Variants in ADAMTS9 observed in about 807,000 individuals in gnomAD.
The protein encoded by ADAMTS9 is A disintegrin and metalloproteinase with thrombospondin motifs 9.
Under a neutral mutation model 257.1 loss-of-function variants are expected in ADAMTS9, and 107 were observed. The ratio of observed to expected loss-of-function variants is 0.42; its 90% CI spans 0.36 to 0.49. The LOEUF (loss-of-function observed/expected upper bound fraction) is 0.49, where lower values mean the gene tolerates loss of function less well. Among genes scored for constraint, ADAMTS9 ranks in the 20% least tolerant of loss-of-function variants. The pLI is 0.03. For missense variants in ADAMTS9, 2,353 were observed against 2,469.1 expected (o/e 0.95, Z 1.00); for synonymous variants, 982 against 880.9 (o/e 1.11, Z -2.03).
intron 38 of ADAMTS9, among the ~76,000 whole-genome samples, chr3:64,528,160 C>T (rs906018477): frequency 3.9e-5 from 6 of 152,112 alleles, no homozygotes; most frequent in African/African-American, 1.2e-4. Flanking sequence ...GCCCCGTAAG[C>T]GCCTCTCACA....
At chr3:64,684,889 A>T (rs1701855456) in intron 2 of ADAMTS9, 2 of 152,208 alleles carry the variant, frequency 1.3e-5, no homozygotes, top group South Asian at 4.1e-4. Flanking sequence ...GTACACACGC[A>T]GTCCTATCCC....
At position 64,610,798 on chromosome 3, in the gene ADAMTS9, C is replaced by T. The variant is rs536434157; in HGVS notation, c.3354+2547G>A. Among the ~76,000 whole-genome samples the T allele has an allele frequency of 7.2e-5, 11 of 152,076 alleles. No individual in the cohort carries two copies. In the East Asian group the frequency reaches 1.9e-3, roughly 27 times the overall value. On this transcript the variant is annotated intron_variant, in intron 22 of 39. Coordinates refer to ENST00000498707, the MANE Select transcript of ADAMTS9 (RefSeq NM_182920.2). ...GTAGTTAAAAAGTTAAACCCAGAGC[C>T]GGGCACGGTGTCTTAGGCCTGTAAT... is the stretch of plus-strand genomic sequence containing the variant.
In ADAMTS9 at chr3:64,541,929, C is replaced by T. The variant is rs954854698; in HGVS notation, c.5106G>A (p.Val1702=). 6.2e-7 allele frequency: 1 copy of T among 1,614,092 alleles called. No homozygotes were observed. Among genetic ancestry groups the T allele is most frequent in the South Asian group, 1.1e-5 (1 of 91,084 alleles). The change falls in exon 33 of 40, where the codon GTG becomes GTA. Residue 1702 remains valine (V), a synonymous_variant. Transcript: ENST00000498707. The stretch of plus-strand genomic sequence containing the variant: ...GTTGGTCCTCATTGGTTAAACATTG[C>T]ACAGATCTCTGCATCACTCCAACAC... ...SCGVGVMQRS[V]QCLTNEDQPS... is the part of the protein sequence containing the mutation.
Position 64,551,037 on chromosome 3 carries a change from G to A in ADAMTS9, c.4724C>T (p.Ser1575Phe), listed in dbSNP as rs746064998. ...QECTKTCGEGSRYRKVVCVDD... is the reference protein window; with the variant it reads ...QECTKTCGEGFRYRKVVCVDD... ...CACACACACCACCTTGCGGTACCTGGAGCCTTCGCCGCAGGTCTTGGTGCA... is the reference window on the plus strand; with the variant it reads ...CACACACACCACCTTGCGGTACCTGAAGCCTTCGCCGCAGGTCTTGGTGCA... Residue 1575 changes from serine to phenylalanine, a missense_variant, in exon 31 of 40, where the codon TCC becomes TTC. Ser to Phe is a radical substitution (Grantham distance 155). Coordinates refer to ENST00000498707, the MANE Select transcript of ADAMTS9 (RefSeq NM_182920.2). 2 of 1,614,156 alleles carry A rather than the reference G, an allele frequency of 1.2e-6. No individual in the cohort carries two copies. Among genetic ancestry groups the A allele is most frequent in the African/African-American group, 1.3e-5 (1 of 75,040 alleles).
intron 9 of ADAMTS9, chr3:64,650,132 T>C (rs1576160230): frequency 5.7e-6 from 1 of 176,156 alleles, no homozygotes; most frequent in South Asian, 1.7e-4. Context: ...CACAGGGCCC[T>C]GTCCATGACA....
rs138611143 is a variant in ADAMTS9 at position 64,631,100 on chromosome 3, T to C, written c.2389+355A>G. ...TCAAGTAATGCTTCTAATAAAATAT[T>C]TGCAAGTCAGTTCCCCACAGGACAG... On this transcript the variant is annotated intron_variant, in intron 16 of 39. Transcript: ENST00000498707. Among the ~76,000 whole-genome samples the C allele has an allele frequency of 3.0e-4, 45 of 152,276 alleles. No homozygotes were observed. The East Asian group carries it at 8.3e-3, about 28-fold the overall frequency.
At chr3:64,653,970 T>A (rs528474769) in intron 8 of ADAMTS9, among the ~76,000 whole-genome samples, 61 of 144,814 alleles carry the variant, frequency 4.2e-4, no homozygotes, top group African/African-American at 1.5e-3. Context: ...ACAGTAATGG[T>A]GGGGGACCCT....
chr3:64,624,926 T>C (rs541267723), intron 16 of ADAMTS9, among the ~76,000 whole-genome samples: 2 of 152,154 alleles, frequency 1.3e-5, no homozygotes, highest in African/African-American at 2.4e-5. Context: ...ATAAGTCCTC[T>C]TGAGTGTTGG....
chr3:64,575,491 T>C (rs1388830222), intron 28 of ADAMTS9, among the ~76,000 whole-genome samples: 1 of 151,940 alleles, frequency 6.6e-6, no homozygotes, highest in Non-Finnish European at 1.5e-5. Context: ...TAAGCAAGAG[T>C]GTAACAACCT....
intron 38 of ADAMTS9, among the ~76,000 whole-genome samples, chr3:64,528,954 A>G (rs2082944351): frequency 6.6e-6 from 1 of 152,108 alleles, no homozygotes; most frequent in Non-Finnish European, 1.5e-5. Context: ...CAGATTTCAG[A>G]GTCCACGTGC....
chr3:64,535,188 G>A (rs897932863), intron 37 of ADAMTS9, among the ~76,000 whole-genome samples: 3 of 152,032 alleles, frequency 2.0e-5, no homozygotes, highest in Admixed American at 6.6e-5. Flanking sequence ...GACCAGCCTG[G>A]CCCAACGTGG....
chr3:64,593,098 G>A (rs955105175), intron 28 of ADAMTS9, among the ~76,000 whole-genome samples: 8 of 152,214 alleles, frequency 5.3e-5, no homozygotes, highest in African/African-American at 9.6e-5. Flanking sequence ...CCAGAGTGGC[G>A]TTTCTTAAGT....
At chr3:64,529,767 A>G (rs770322680) in intron 38 of ADAMTS9, among the ~76,000 whole-genome samples, 4 of 152,172 alleles carry the variant, frequency 2.6e-5, no homozygotes, top group Non-Finnish European at 5.9e-5. Flanking sequence ...CACCAGGGAA[A>G]TGGTTACAGA....
intron 16 of ADAMTS9, among the ~76,000 whole-genome samples, chr3:64,629,737 A>G (rs1471591602): frequency 6.6e-6 from 1 of 152,012 alleles, no homozygotes; most frequent in Non-Finnish European, 1.5e-5. Context: ...ATTTTTTTTT[A>G]TCTGTTTTGT....
At chr3:64,637,556 C>T (rs1366612705) in intron 12 of ADAMTS9, among the ~76,000 whole-genome samples, 4 of 152,318 alleles carry the variant, frequency 2.6e-5, no homozygotes, top group African/African-American at 9.6e-5. Context: ...CAGAGGTCAT[C>T]ACAGGTACAG....
chr3:64,650,745 A>C lies in ADAMTS9; in HGVS notation c.1463+272T>G, dbSNP rs552305740. The stretch of plus-strand genomic sequence containing the variant: ...CTCTCCCAATGTCTGAACAAATCTC[A>C]AAACTTTACCCAAAATGAAGCAACA... On this transcript the variant is annotated intron_variant, in intron 9 of 39. Coordinates refer to ENST00000498707, the MANE Select transcript of ADAMTS9 (RefSeq NM_182920.2). The C allele has an allele frequency of 5.9e-5, 21 of 356,690 alleles. No homozygotes were observed. The East Asian group carries it at 1.3e-3, about 22-fold the overall frequency. 22.1% of individuals were successfully genotyped at this position (356,690 alleles called of 1,614,324 possible).
intron 22 of ADAMTS9, among the ~76,000 whole-genome samples, chr3:64,609,447 G>A (rs1364588060): frequency 6.6e-6 from 1 of 151,638 alleles, no homozygotes; most frequent in African/African-American, 2.4e-5. Context: ...AAGGATACAA[G>A]ATAAACAGAA....
intron 3 of ADAMTS9, among the ~76,000 whole-genome samples, chr3:64,662,080 C>A (rs1235022661): frequency 1.3e-5 from 2 of 151,886 alleles, no homozygotes; most frequent in Non-Finnish European, 2.9e-5. Flanking sequence ...TTCTTCTAAG[C>A]CCTGCTTTGG....
In ADAMTS9 at chr3:64,621,252, G is replaced by A. The variant is rs746900057; in HGVS notation, c.2687-12C>T. 3 of 1,601,554 alleles carry A rather than the reference G, an allele frequency of 1.9e-6. No homozygotes were observed. Among genetic ancestry groups the A allele is most frequent in the Admixed American group, 1.7e-5 (1 of 57,780 alleles). ...TCGTTTCCGTTCCCCTAAGCAGAAA[G>A]GGAAAAAAAATTATTCAGGGAAAAT... On this transcript the variant is annotated splice_polypyrimidine_tract_variant and intron_variant, in intron 18 of 39. Coordinates refer to ENST00000498707, the MANE Select transcript of ADAMTS9 (RefSeq NM_182920.2).
Sources: gnomAD v4.1 joint callset for allele counts (sites outside exome capture counted in the v4.1 genomes callset) on GRCh38, gnomAD v4.1.1 for gene constraint, MANE v1.5 for transcripts, NCBI Gene and HGNC (gene_info 2026-07-23, HGNC 2026-07-21) for gene names.